Variants in BICC1 observed in about 807,000 individuals in gnomAD.
BICC1 encodes the protein protein bicaudal C homolog 1.
BICC1 carries 43 observed loss-of-function variants against 111.0 expected under a neutral mutation model. The ratio of observed to expected loss-of-function variants is 0.39; its 90% confidence interval spans 0.30 to 0.50. BICC1 has a LOEUF of 0.50. Among genes scored for constraint, BICC1 ranks in the 20% least tolerant of loss-of-function variants. The probability of loss-of-function intolerance (pLI) is 0.88; values close to 1 mark genes in which losing one functional copy is unlikely to be tolerated. For synonymous variants in BICC1, 467 were observed against 434.4 expected (o/e 1.07, Z -0.93); for missense variants, 1,091 against 1,203.2 (o/e 0.91, Z 1.38).
At chr10:58,543,076 T>C (rs1324231494) in intron 1 of BICC1, among the ~76,000 whole-genome samples, 1 of 152,106 alleles carries the variant, frequency 6.6e-6, no homozygotes, top group Non-Finnish European at 1.5e-5. Flanking sequence ...CCCATTTGCA[T>C]TGCAGCATTA....
rs574759117 is a variant in BICC1 at position 58,730,143 on chromosome 10, A to G, written c.307+28000A>G. 3.9e-5 allele frequency among the ~76,000 whole-genome samples: 6 copies of G among 152,356 alleles called. No homozygotes were observed. The South Asian group carries it at 6.2e-4, about 16-fold the overall frequency. On this transcript the variant is annotated intron_variant, in intron 3 of 20. Transcript: ENST00000373886. ...ACAAGTTAGTTACTTCCAAGATACA[A>G]TGAAGGTATAGGCATTAGGTAAAAT...
rs139553157 is a variant in BICC1 at position 58,565,188 on chromosome 10, A to G, written c.190+51855A>G. Reference sequence around the variant, plus strand: ...AGGATTTTATTAGCTTTTATGCTTCATCTATGCTATTTAAGCAGGTAGGCA... The same window carrying G: ...AGGATTTTATTAGCTTTTATGCTTCGTCTATGCTATTTAAGCAGGTAGGCA... On this transcript the variant is annotated intron_variant, in intron 1 of 20. Coordinates refer to ENST00000373886, the MANE Select transcript of BICC1 (RefSeq NM_001080512.3). 1.9e-3 allele frequency among the ~76,000 whole-genome samples: 296 copies of G among 152,308 alleles called. 4 individuals are homozygous for G. The highest frequency in any genetic ancestry group is 6.9e-3 in the African/African-American group (286 of 41,566).
intron 2 of BICC1, among the ~76,000 whole-genome samples, chr10:58,674,221 C>T (rs1388836013): frequency 6.6e-6 from 1 of 151,784 alleles, no homozygotes; most frequent in East Asian, 1.9e-4. Flanking sequence ...ATCCTATTTG[C>T]TGCACCTCTG....
chr10:58,645,827 C>T (rs1838253395), intron 2 of BICC1, among the ~76,000 whole-genome samples: 1 of 152,188 alleles, frequency 6.6e-6, no homozygotes, highest in African/African-American at 2.4e-5. Flanking sequence ...AAAACAACTC[C>T]ATCTTGCCAG....
intron 1 of BICC1, among the ~76,000 whole-genome samples, chr10:58,610,412 C>G (rs1248599874): frequency 2.0e-5 from 3 of 152,152 alleles, no homozygotes; most frequent in Non-Finnish European, 4.4e-5. Flanking sequence ...TCTGCAGAGT[C>G]TTATGGAGCA....
chr10:58,693,115 G>T (rs990640410), intron 2 of BICC1, among the ~76,000 whole-genome samples: 2 of 152,010 alleles, frequency 1.3e-5, no homozygotes, highest in African/African-American at 2.4e-5. Flanking sequence ...GCGGTGTTTG[G>T]TTTTTTGTCC....
At chr10:58,625,804 T>C (rs1362308442) in intron 2 of BICC1, among the ~76,000 whole-genome samples, 1 of 152,192 alleles carries the variant, frequency 6.6e-6, no homozygotes, top group Non-Finnish European at 1.5e-5. Flanking sequence ...TTAGATGGTC[T>C]TAGATGGGGA....
At chr10:58,694,763 G>A (rs1840020886) in intron 2 of BICC1, among the ~76,000 whole-genome samples, 1 of 152,062 alleles carries the variant, frequency 6.6e-6, no homozygotes, top group African/African-American at 2.4e-5. Context: ...ACCATTTGGG[G>A]GCTATCTCTG....
At chr10:58,724,290 T>C (rs1204254277) in intron 3 of BICC1, among the ~76,000 whole-genome samples, 1 of 152,242 alleles carries the variant, frequency 6.6e-6, no homozygotes, top group Non-Finnish European at 1.5e-5. Flanking sequence ...TCTGTAGTTA[T>C]TATATAATCT....
chr10:58,566,961 A>G (rs989584724), intron 1 of BICC1, among the ~76,000 whole-genome samples: 19 of 152,172 alleles, frequency 1.2e-4, no homozygotes, highest in African/African-American at 4.3e-4. Context: ...CTCTGACATT[A>G]TAAGTATACA....
intron 1 of BICC1, among the ~76,000 whole-genome samples, chr10:58,571,997 T>C (rs1843968311): frequency 6.6e-6 from 1 of 152,096 alleles, no homozygotes; most frequent in Non-Finnish European, 1.5e-5. Context: ...GCAAGCATCT[T>C]GTTGCTTTTT....
intron 1 of BICC1, among the ~76,000 whole-genome samples, chr10:58,588,408 A>G (rs1020970173): frequency 1.3e-5 from 2 of 152,178 alleles, no homozygotes; most frequent in Non-Finnish European, 2.9e-5. Flanking sequence ...CCTCATATGC[A>G]TCAGTCACTT....
chr10:58,697,947 G>A (rs1044072044), intron 2 of BICC1, among the ~76,000 whole-genome samples: 6 of 150,762 alleles, frequency 4.0e-5, no homozygotes, highest in Non-Finnish European at 7.4e-5. Flanking sequence ...GACAGAATGC[G>A]TCACACTCCA....
At chr10:58,754,236 A>G (rs1842075098) in intron 3 of BICC1, among the ~76,000 whole-genome samples, 1 of 152,220 alleles carries the variant, frequency 6.6e-6, no homozygotes, top group South Asian at 2.1e-4. Context: ...TTGTCTCCTT[A>G]CAGTCATTAT....
chr10:58,678,838 C>G (rs1284231278), intron 2 of BICC1, among the ~76,000 whole-genome samples: 1 of 152,200 alleles, frequency 6.6e-6, no homozygotes, highest in Non-Finnish European at 1.5e-5. Flanking sequence ...CAATCAGTCT[C>G]TCAGACCACA....
chr10:58,824,183 C>T (rs1391696243), intron 20 of BICC1: 2 of 753,112 alleles, frequency 2.7e-6, no homozygotes, highest in Non-Finnish European at 3.2e-6. Context: ...GGCCAGTGCT[C>T]AGGGCATTGA....
intron 17 of BICC1, among the ~76,000 whole-genome samples, chr10:58,813,469 C>T (rs573975040): frequency 6.6e-6 from 1 of 152,238 alleles, no homozygotes; most frequent in African/African-American, 2.4e-5. Context: ...AGAATCTTTG[C>T]TCTACCAGGT....
intron 2 of BICC1, among the ~76,000 whole-genome samples, chr10:58,668,981 C>G (rs1242756122): frequency 6.6e-6 from 1 of 151,976 alleles, no homozygotes; most frequent in South Asian, 2.1e-4. Context: ...AGTTTTTGAG[C>G]AGTTAAAGCC....
intron 3 of BICC1, among the ~76,000 whole-genome samples, chr10:58,725,394 A>G (rs1166393920): frequency 6.6e-6 from 1 of 151,908 alleles, no homozygotes; most frequent in African/African-American, 2.4e-5. Flanking sequence ...TAAAATACCA[A>G]ATTTTCTCTC....
Sources: allele counts gnomAD v4.1 joint callset (sites outside exome capture counted in the v4.1 genomes callset), GRCh38; gene constraint gnomAD v4.1.1; transcripts MANE v1.5; gene names NCBI Gene and HGNC (gene_info 2026-07-23, HGNC 2026-07-21).